The following APOD variants were observed in gnomAD, a reference collection of about 807,000 sequenced individuals.
APOD encodes the protein apo-D.
Under a neutral mutation model 20.4 loss-of-function variants are expected in APOD, and 22 were observed. The ratio of observed to expected loss-of-function variants is 1.08; its 90% confidence interval spans 0.77 to 1.54. The LOEUF is 1.54. Among genes scored for constraint, APOD ranks in the 40% most tolerant of loss-of-function variants. The pLI is 0.00. For missense variants in APOD, 223 were observed against 229.6 expected (o/e 0.97, Z 0.19); for synonymous variants, 97 against 92.4 (o/e 1.05, Z -0.29).
Position 195,568,831 on chromosome 3 carries a change from T to TGGGGGGGGGGG in APOD, c.*68_*69insCCCCCCCCCCC, listed in dbSNP as rs1553889293. ...GTCGTGGTTGATTGGTTTGTCTTTA[T>TGGGGGGGGGGG]GGGGGGGGGGTAGGGGAAAGCGAAG... On this transcript the variant is annotated 3_prime_UTR_variant, in exon 5 of 5. Coordinates refer to ENST00000343267, the MANE Select transcript of APOD (RefSeq NM_001647.4). 1.1e-6 allele frequency: 1 copy of TGGGGGGGGGGG among 890,808 alleles called. No individual in the cohort carries two copies. The highest frequency in any genetic ancestry group is 2.4e-5 in the Admixed American group (1 of 41,970). The allele number at this position is 890,808 out of a possible 1,614,324, so 55.2% of individuals were successfully genotyped here. A position where few individuals can be genotyped will look rare whatever the true frequency, so the allele number is the denominator to read the frequency against.
chr3:195,579,584 C>A, intron 1 of APOD, 89 bp from the exon 2 acceptor site: 1 of 1,402,106 alleles, frequency 7.1e-7, no homozygotes, highest in Non-Finnish European at 9.7e-7. Context: ...CCATGGTCCC[C>A]TCTGTGGGCG....
intron 2 of APOD, 137 bp downstream of exon 2, chr3:195,579,202 T>C: frequency 7.1e-7 from 1 of 1,409,180 alleles, no homozygotes; most frequent in East Asian, 2.3e-5. Flanking sequence ...AGATGTCTGC[T>C]TTGGGGAAAC....
In APOD at chr3:195,573,866, A is replaced by C. The variant is rs747158725; in HGVS notation, c.229T>G (p.Leu77Val). The change falls in exon 3 of 5, where the codon TTA becomes GTA. Residue 77 changes from leucine to valine, a missense_variant. Physicochemically the swap from Leu to Val is conservative, Grantham distance 32 (BLOSUM62 1). Transcript: ENST00000343267. ...GCCACTCACCTCAACTCCTGGTTTA[A>C]CACTTTGATCTTTCCGTTTTCCATT... ...SLMENGKIKVLNQELRADGTV... is the reference protein window; with the variant it reads ...SLMENGKIKVVNQELRADGTV... The C allele has an allele frequency of 6.2e-6, 10 of 1,614,150 alleles. No homozygotes were observed. The highest frequency in any genetic ancestry group is 8.5e-6 in the Non-Finnish European group (10 of 1,180,004).
intron 1 of APOD, among the ~76,000 whole-genome samples, chr3:195,582,359 G>A (rs898680503): frequency 2.6e-5 from 4 of 152,094 alleles, no homozygotes; most frequent in African/African-American, 7.2e-5. Context: ...GATTATATAC[G>A]ACATATATTT....
At chr3:195,570,469 C>A in intron 4 of APOD, 1 of 152,194 alleles carries the variant, frequency 6.6e-6, no homozygotes. Context: ...TTTTCTCCTC[C>A]CAGCATTCCT....
chr3:195,583,290 G>A (rs1458044822), intron 1 of APOD: 1 of 152,140 alleles, frequency 6.6e-6, no homozygotes. Flanking sequence ...TAGTGCCTGG[G>A]GACACAGCCC....
At chr3:195,581,217 A>G (rs1395100262) in intron 1 of APOD, among the ~76,000 whole-genome samples, 1 of 152,132 alleles carries the variant, frequency 6.6e-6, no homozygotes, top group East Asian at 1.9e-4. Context: ...GGGTTGCTGC[A>G]GGGGGAGATG....
At chr3:195,576,805 G>C (rs1006819259) in intron 2 of APOD, among the ~76,000 whole-genome samples, 2 of 151,806 alleles carry the variant, frequency 1.3e-5, no homozygotes, top group Non-Finnish European at 1.5e-5. Context: ...GCAAGACTCT[G>C]TCACACACAC....
chr3:195,577,441 C>G (rs1403246075), intron 2 of APOD, among the ~76,000 whole-genome samples: 2 of 152,162 alleles, frequency 1.3e-5, no homozygotes, highest in Non-Finnish European at 2.9e-5. Flanking sequence ...CAATCTGTAT[C>G]AAATTCCAAT....
At chr3:195,575,953 G>C (rs1257510053) in intron 2 of APOD, among the ~76,000 whole-genome samples, 1 of 152,116 alleles carries the variant, frequency 6.6e-6, no homozygotes, top group Non-Finnish European at 1.5e-5. Flanking sequence ...AACAAAAAGA[G>C]ATGCGCTCAC....
At chr3:195,572,056 C>T (rs1430475653) in intron 3 of APOD, among the ~76,000 whole-genome samples, 1 of 152,246 alleles carries the variant, frequency 6.6e-6, no homozygotes, top group African/African-American at 2.4e-5. Flanking sequence ...GCTGGGATTA[C>T]AGGCGTGAGC....
At chr3:195,579,558 A>C in intron 1 of APOD, 63 bp from the exon 2 acceptor site, 1 of 1,538,148 alleles carries the variant, frequency 6.5e-7, no homozygotes, top group Non-Finnish European at 8.8e-7. Context: ...ACAATCATGA[A>C]GTAAGAGTGC....
At chr3:195,569,174 G>A (rs762057731) in intron 4 of APOD, 39 bp from the exon 5 acceptor site, 64 of 1,564,434 alleles carry the variant, frequency 4.1e-5, no homozygotes, top group Non-Finnish European at 5.5e-5. Flanking sequence ...GGAGGGAGAG[G>A]GCAAGAGAAA....
At chr3:195,572,882 A>C (rs150105980) in intron 3 of APOD, among the ~76,000 whole-genome samples, 1 of 152,096 alleles carries the variant, frequency 6.6e-6, no homozygotes, top group South Asian at 2.1e-4. Context: ...GAAAGTCAGT[A>C]GGTTAATGCT....
At position 195,569,125 on chromosome 3, in the gene APOD, C is replaced by T. The variant is rs375798118; in HGVS notation, c.345G>A (p.Ser115=). Residue 115 remains serine (S), a synonymous_variant, in exon 5 of 5, where the codon TCG becomes TCA. Coordinates refer to ENST00000343267, the MANE Select transcript of APOD (RefSeq NM_001647.4). ...CGGTGGCCAGGATCCAGTACGGTGC[C>T]GATGGCATAACTGAGAACCAGAGAG... ...LEVKFSWFMP[S]APYWILATDY... is the part of the protein sequence containing the mutation. 57 of 1,613,744 alleles carry T rather than the reference C, an allele frequency of 3.5e-5. No homozygotes were observed. Among genetic ancestry groups the T allele is most frequent in the African/African-American group, 9.4e-5 (7 of 74,842 alleles).
intron 1 of APOD, among the ~76,000 whole-genome samples, chr3:195,582,005 C>G (rs971875618): frequency 2.6e-5 from 4 of 152,088 alleles, no homozygotes; most frequent in African/African-American, 9.7e-5. Context: ...CCTATCTCTA[C>G]TAAAAATAAA....
intron 2 of APOD, among the ~76,000 whole-genome samples, chr3:195,577,743 A>G (rs988388404): frequency 5.3e-5 from 8 of 152,244 alleles, no homozygotes; most frequent in African/African-American, 9.6e-5. Flanking sequence ...AAAAGGGGAT[A>G]TAGTATTGAT....
chr3:195,569,013 G>A lies in APOD; in HGVS notation c.457C>T (p.Pro153Ser). ...VDFAWILARN[P>S]NLPPETVDSL... Reference sequence around the variant, plus strand: ...TCCACTGTTTCTGGAGGGAGATTAGGGTTTCTTGCCAAGATCCAAGCAAAA... The same window carrying A: ...TCCACTGTTTCTGGAGGGAGATTAGAGTTTCTTGCCAAGATCCAAGCAAAA... The change falls in exon 5 of 5, where the codon CCT becomes TCT. Residue 153 changes from proline to serine, a missense_variant. Transcript: ENST00000343267. The A allele has an allele frequency of 6.2e-7, 1 of 1,614,036 alleles. No individual in the cohort carries two copies. Among genetic ancestry groups the A allele is most frequent in the Non-Finnish European group, 8.5e-7 (1 of 1,179,956 alleles).
intron 1 of APOD, 47 bp from the exon 2 acceptor site, chr3:195,579,542 G>A: frequency 1.3e-6 from 2 of 1,573,008 alleles, no homozygotes; most frequent in East Asian, 2.3e-5. Flanking sequence ...AGCCTTCTAA[G>A]GCCACACAAT....
Sources: allele counts gnomAD v4.1 joint callset (sites outside exome capture counted in the v4.1 genomes callset), GRCh38; gene constraint gnomAD v4.1.1; transcripts MANE v1.5; gene names NCBI Gene and HGNC (gene_info 2026-07-23, HGNC 2026-07-21).